SMYD5: variants seen among roughly 807,000 people sequenced by gnomAD.
SMYD5 encodes the protein protein-lysine N-trimethyltransferase SMYD5.
Under a neutral mutation model 57.4 loss-of-function variants are expected in SMYD5, and 35 were observed. The ratio of observed to expected loss-of-function variants is 0.61; its 90% CI spans 0.47 to 0.81. The LOEUF (loss-of-function observed/expected upper bound fraction) is 0.81, where lower values mean the gene tolerates loss of function less well. Ranked by LOEUF, SMYD5 falls within the 30% of genes least tolerant of loss-of-function variation. The pLI, the probability that SMYD5 is intolerant of heterozygous loss-of-function variation, is 0.00. For missense variants in SMYD5, 471 were observed against 527.9 expected, an observed-to-expected ratio of 0.89 and a Z score of 1.06; for synonymous variants, 198 against 189.7, an observed-to-expected ratio of 1.04 and a Z score of -0.36.
chr2:73,224,110 G>A, intron 10 of SMYD5, 107 bp downstream of exon 10: 1 of 1,005,870 alleles, frequency 9.9e-7, no homozygotes, highest in Non-Finnish European at 1.6e-6. Flanking sequence ...AGGCTGGTAG[G>A]GTTGAGTCTG....
chr2:73,220,560 A>T, intron 3 of SMYD5, 101 bp from the exon 4 acceptor site: 1 of 1,371,720 alleles, frequency 7.3e-7, no homozygotes. Flanking sequence ...CTCATGATAC[A>T]TCTGAGCTAC....
intron 4 of SMYD5, 51 bp downstream of exon 4, chr2:73,220,833 C>A: frequency 1.2e-6 from 2 of 1,600,982 alleles, no homozygotes; most frequent in Non-Finnish European, 1.7e-6. Flanking sequence ...CCCTGGTTGC[C>A]TGCCTGGGCT....
intron 10 of SMYD5, among the ~76,000 whole-genome samples, chr2:73,224,385 A>G (rs1392816688): frequency 6.6e-6 from 1 of 152,038 alleles, no homozygotes; most frequent in African/African-American, 2.4e-5. Flanking sequence ...ACCTGATGAG[A>G]AGGGGCAGAT....
At position 73,225,804 on chromosome 2, in the gene SMYD5, A is replaced by G. The variant is rs1686490151; in HGVS notation, c.1115A>G (p.Tyr372Cys). ...HSRHKILREN[Y>C]LFVCSCPKCL... ...ATCCCCCACCGCTGCAGGGAGAACT[A>G]TCTATTTGTCTGTTCCTGTCCCAAA... is the stretch of plus-strand genomic sequence containing the variant. Residue 372 changes from tyrosine to cysteine, a missense_variant, in exon 13 of 13, where the codon TAT becomes TGT. Transcript: ENST00000389501. The G allele has an allele frequency of 6.2e-6, 10 of 1,614,102 alleles. No homozygotes were observed. Among genetic ancestry groups the G allele is most frequent in the Non-Finnish European group, 8.5e-6 (10 of 1,179,986 alleles).
intron 2 of SMYD5, 84 bp from the exon 3 acceptor site, chr2:73,219,967 A>G (rs757639185): frequency 6.4e-7 from 1 of 1,551,790 alleles, no homozygotes; most frequent in Non-Finnish European, 8.9e-7. Context: ...TGCCTGGCAC[A>G]TAGCAGCTGC....
intron 1 of SMYD5, among the ~76,000 whole-genome samples, chr2:73,217,497 A>G (rs1199057290): frequency 1.3e-5 from 2 of 152,242 alleles, no homozygotes; most frequent in East Asian, 1.9e-4. Flanking sequence ...CAAGTTTTCA[A>G]TTTGCTAGAT....
chr2:73,220,856 C>A (rs1241861401), intron 4 of SMYD5, 74 bp downstream of exon 4: 2 of 1,544,076 alleles, frequency 1.3e-6, no homozygotes, highest in South Asian at 2.3e-5. Context: ...TCAGGTGTTG[C>A]CGTCTTTCTT....
intron 3 of SMYD5, 127 bp from the exon 4 acceptor site, chr2:73,220,534 C>T (rs1438972337): frequency 1.8e-6 from 2 of 1,123,076 alleles, no homozygotes; most frequent in Non-Finnish European, 2.6e-6. Flanking sequence ...CCCCAGAGCA[C>T]CCTATGTTTT....
intron 1 of SMYD5, among the ~76,000 whole-genome samples, chr2:73,215,229 AT>A (rs1398958547): frequency 2.6e-5 from 4 of 151,954 alleles, no homozygotes; most frequent in African/African-American, 9.7e-5. Context: ...GTCCAGCAGT[AT>A]TTTTTTCCTA....
rs1686385707 is a variant in SMYD5, at chr2:73,221,191, C to A, written c.494C>A (p.Ala165Glu). ...WRSIHYPPETASIMLMARMVA... is the reference protein window; with the variant it reads ...WRSIHYPPETESIMLMARMVA... ...AGTATTCACTACCCACCTGAGACTG[C>A]AAGCATCATGTTGATGGCTAGGATG... Residue 165 changes from alanine (A) to glutamate (E), a missense_variant, in exon 5 of 13, where the codon GCA becomes GAA. Coordinates refer to ENST00000389501, the MANE Select transcript of SMYD5 (RefSeq NM_006062.3). 2 of 1,614,008 alleles carry A rather than the reference C, an allele frequency of 1.2e-6. No individual in the cohort carries two copies. Among genetic ancestry groups the A allele is most frequent in the South Asian group, 1.1e-5 (1 of 91,060 alleles).
At chr2:73,217,463 T>C (rs563861314) in intron 1 of SMYD5, among the ~76,000 whole-genome samples, 74 of 152,334 alleles carry the variant, frequency 4.9e-4, no homozygotes, top group Admixed American at 1.2e-3. Flanking sequence ...CCTGTTCATA[T>C]TGTCGTGTCC....
At position 73,223,542 on chromosome 2, in the gene SMYD5, A is replaced by G. The variant is rs1439277306; in HGVS notation, c.883+10A>G. 7 of 1,593,196 alleles carry G rather than the reference A, an allele frequency of 4.4e-6. No homozygotes were observed. In the South Asian group the frequency reaches 6.6e-5, roughly 15 times the overall value. Reference sequence around the variant, plus strand: ...AAGGACATCGAGGCAGGTTGGTGAGATAGGGCCTTGGCCTCACCCAGCCAT... The same window carrying G: ...AAGGACATCGAGGCAGGTTGGTGAGGTAGGGCCTTGGCCTCACCCAGCCAT... On this transcript the variant is annotated intron_variant, in intron 9 of 12. Transcript: ENST00000389501.
chr2:73,222,898 G>A, intron 7 of SMYD5, 81 bp downstream of exon 7: 3 of 1,526,016 alleles, frequency 2.0e-6, no homozygotes, highest in Non-Finnish European at 2.7e-6. Flanking sequence ...TCTCCTACTG[G>A]GACAGCTGAG....
intron 11 of SMYD5, 137 bp from the exon 12 acceptor site, chr2:73,225,494 C>G: frequency 3.9e-6 from 3 of 770,522 alleles, no homozygotes; most frequent in Non-Finnish European, 6.7e-6. Context: ...TGAGGGCAGC[C>G]AGCCCCTTCA....
chr2:73,218,631 G>C (rs1380974589), intron 1 of SMYD5, among the ~76,000 whole-genome samples: 1 of 152,234 alleles, frequency 6.6e-6, no homozygotes, highest in Non-Finnish European at 1.5e-5. Flanking sequence ...CCCTGTTCCA[G>C]GCCTTCTGCT....
At chr2:73,215,059 T>C (rs1686267776) in intron 1 of SMYD5, among the ~76,000 whole-genome samples, 1 of 152,240 alleles carries the variant, frequency 6.6e-6, no homozygotes. Flanking sequence ...TATTTCTACA[T>C]ATTAAGTTTT....
chr2:73,223,575 C>T, intron 9 of SMYD5, 43 bp downstream of exon 9: 4 of 1,320,098 alleles, frequency 3.0e-6, no homozygotes, highest in Non-Finnish European at 4.4e-6. Context: ...CATGGCGACC[C>T]CCCCAGTCAG....
intron 1 of SMYD5, among the ~76,000 whole-genome samples, chr2:73,215,907 C>T (rs1295710269): frequency 6.6e-6 from 1 of 151,824 alleles, no homozygotes; most frequent in Non-Finnish European, 1.5e-5. Context: ...CCTCAAGTTG[C>T]CACATGAGGG....
chr2:73,225,594 A>G (rs1321585812), intron 11 of SMYD5, 37 bp from the exon 12 acceptor site: 9 of 1,592,138 alleles, frequency 5.7e-6, no homozygotes, highest in African/African-American at 2.7e-5. Flanking sequence ...CATTTAAAAG[A>G]GCACAGACCA....
Sources: allele counts gnomAD v4.1 joint callset (sites outside exome capture counted in the v4.1 genomes callset), GRCh38; gene constraint gnomAD v4.1.1; transcripts MANE v1.5; gene names NCBI Gene and HGNC (gene_info 2026-07-23, HGNC 2026-07-21).